Variants in PTPRN2 observed in about 807,000 individuals in gnomAD.
PTPRN2 encodes protein tyrosine phosphatase receptor type N2.
A neutral mutation model predicts 118.8 loss-of-function variants in PTPRN2; 74 were observed. That is an observed-to-expected ratio of 0.62 (90% CI 0.52 to 0.76). The LOEUF is 0.76. PTPRN2 is among the 30% of genes least tolerant of loss of function. PTPRN2 has a pLI of 0.00. For missense variants in PTPRN2, 1,481 were observed against 1,394.4 expected, an observed-to-expected ratio of 1.06 and a Z score of -0.99; for synonymous variants, 641 against 608.0, an observed-to-expected ratio of 1.05 and a Z score of -0.80.
intron 22 of PTPRN2, among the ~76,000 whole-genome samples, chr7:157,547,670 C>T (rs993974081): frequency 6.6e-6 from 1 of 152,110 alleles, no homozygotes; most frequent in Admixed American, 6.5e-5. Context: ...TGAGTAACCA[C>T]ACAGGGAAAA....
rs111648883 is a variant in PTPRN2 at position 157,990,853 on chromosome 7, C to T, written c.1723+90445G>A. The stretch of plus-strand genomic sequence containing the variant: ...GCAGGAGTGACCAGCCCAGTCCCAG[C>T]GCTTACCGAGGAGGACTGGGGAGGG... On this transcript the variant is annotated intron_variant, in intron 11 of 22. Transcript: ENST00000389418. This position sits in a 1 kb window ranked among gnomAD's most constrained non-coding sequence, Gnocchi z 4.3. 0.014 allele frequency among the ~76,000 whole-genome samples: 2,089 copies of T among 152,194 alleles called. 45 individuals carry two copies. Among genetic ancestry groups the T allele is most frequent in the African/African-American group, 0.047 (1,951 of 41,518 alleles).
At chr7:158,272,600 C>A (rs903005716) in intron 3 of PTPRN2, among the ~76,000 whole-genome samples, 1 of 152,184 alleles carries the variant, frequency 6.6e-6, no homozygotes, top group Non-Finnish European at 1.5e-5. Flanking sequence ...TGCCTTGCAC[C>A]CCAGACACCA....
At chr7:158,389,043 G>C (rs1454210233) in intron 2 of PTPRN2, among the ~76,000 whole-genome samples, 2 of 152,232 alleles carry the variant, frequency 1.3e-5, no homozygotes, top group African/African-American at 4.8e-5. Context: ...CCAACGTGAG[G>C]CGGGCCCCTG....
intron 12 of PTPRN2, among the ~76,000 whole-genome samples, chr7:157,854,230 T>C (rs1401610018): frequency 1.3e-5 from 2 of 152,248 alleles, no homozygotes; most frequent in East Asian, 3.9e-4. Flanking sequence ...GTGCTGCTGA[T>C]GGCGAGACTG....
At chr7:158,097,994 C>A (rs1814782405) in intron 10 of PTPRN2, among the ~76,000 whole-genome samples, 1 of 152,206 alleles carries the variant, frequency 6.6e-6, no homozygotes, top group Non-Finnish European at 1.5e-5. Context: ...CCTGTCAGAG[C>A]TGCTCCCCTC....
chr7:158,144,233 A>AAATAAACT (rs1320720119), intron 6 of PTPRN2, among the ~76,000 whole-genome samples: 1 of 152,224 alleles, frequency 6.6e-6, no homozygotes, highest in Non-Finnish European at 1.5e-5. Context: ...ACTGATCCAC[A>AAATAAACT]AATAAACTTT....
intron 3 of PTPRN2, among the ~76,000 whole-genome samples, chr7:158,252,944 G>T (rs192942075): frequency 6.0e-4 from 91 of 152,228 alleles, no homozygotes; most frequent in Admixed American, 1.6e-3. Flanking sequence ...TCACCCTTGG[G>T]CTGGCGGAGT....
chr7:158,490,270 C>T (rs1045259012), intron 1 of PTPRN2, among the ~76,000 whole-genome samples: 3 of 152,216 alleles, frequency 2.0e-5, no homozygotes, highest in African/African-American at 7.2e-5. Flanking sequence ...CCGTGGCGTC[C>T]GTGGCCACAG....
intron 13 of PTPRN2, among the ~76,000 whole-genome samples, chr7:157,682,388 C>T (rs1796957047): frequency 6.6e-6 from 1 of 152,220 alleles, no homozygotes; most frequent in South Asian, 2.1e-4. Flanking sequence ...AATGATCTCG[C>T]AACTCTGGCA....
At chr7:158,480,126 C>T (rs1002659165) in intron 2 of PTPRN2, among the ~76,000 whole-genome samples, 6 of 152,224 alleles carry the variant, frequency 3.9e-5, no homozygotes, top group African/African-American at 9.6e-5. Context: ...CTTTGTTCCA[C>T]GTCGCGGGGG....
At chr7:157,766,252 C>CTCCA (rs1320785688) in intron 12 of PTPRN2, among the ~76,000 whole-genome samples, 1 of 148,962 alleles carries the variant, frequency 6.7e-6, no homozygotes, top group African/African-American at 2.5e-5. Flanking sequence ...TCCATCCTTC[C>CTCCA]TCCATCCATC....
chr7:158,538,696 G>A (rs1466180898), intron 1 of PTPRN2, among the ~76,000 whole-genome samples: 4 of 152,088 alleles, frequency 2.6e-5, no homozygotes, highest in African/African-American at 4.8e-5. Flanking sequence ...ACTGCACTAC[G>A]GACACCCCAG....
intron 1 of PTPRN2, among the ~76,000 whole-genome samples, chr7:158,545,982 C>CA (rs199662866): frequency 1.1e-4 from 16 of 151,280 alleles, no homozygotes; most frequent in East Asian, 1.9e-4. Flanking sequence ...CTGGGTGTCT[C>CA]AAAAAAAAGA....
intron 1 of PTPRN2, among the ~76,000 whole-genome samples, chr7:158,584,918 C>T (rs1191203070): frequency 2.6e-5 from 4 of 152,214 alleles, no homozygotes; most frequent in Non-Finnish European, 4.4e-5. Flanking sequence ...TTCTAACCTA[C>T]AAGGCTGTTT....
chr7:158,337,812 A>G lies in PTPRN2; in HGVS notation c.164-20880T>C, dbSNP rs1403419610. Among the ~76,000 whole-genome samples, 16 of 3,850 alleles carry G rather than the reference A, an allele frequency of 4.2e-3. 3 individuals are homozygous for G. The highest frequency in any genetic ancestry group is 0.013 in the Non-Finnish European group (9 of 702). The allele number at this position is 3,850 out of a possible 152,430, so 2.5% of individuals were successfully genotyped here. A position where few individuals can be genotyped will look rare whatever the true frequency, so the allele number is the denominator to read the frequency against. On this transcript the variant is annotated intron_variant, in intron 2 of 22. Transcript: ENST00000389418. ...ACTCTCACCATAAGAGGTGACGCCC[A>G]TAGACGTCACTCACACCCACACACG...
chr7:157,891,991 G>C lies in PTPRN2; in HGVS notation c.1788+6682C>G, dbSNP rs1229192285. Among the ~76,000 whole-genome samples the C allele has an allele frequency of 2.0e-5, 3 of 152,184 alleles. No individual in the cohort carries two copies. The East Asian group carries it at 5.8e-4, about 29-fold the overall frequency. On this transcript the variant is annotated intron_variant, in intron 12 of 22. Transcript: ENST00000389418. ...TTGTTCACGCTCCTGAGCCTGCAGG[G>C]GCTCTGCTGAGACTCAGGGTCGGCC... is the stretch of plus-strand genomic sequence containing the variant.
chr7:157,727,656 C>T (rs1799675489), intron 12 of PTPRN2, among the ~76,000 whole-genome samples: 1 of 152,210 alleles, frequency 6.6e-6, no homozygotes, highest in Admixed American at 6.5e-5. Flanking sequence ...AGGCGTGCAC[C>T]TAAAAACGGT....
intron 11 of PTPRN2, among the ~76,000 whole-genome samples, chr7:157,976,183 T>C (rs1284066244): frequency 6.6e-6 from 1 of 152,230 alleles, no homozygotes; most frequent in Non-Finnish European, 1.5e-5. Context: ...CTGGTTCCCA[T>C]CGCGTTATCA....
chr7:158,526,339 T>G lies in PTPRN2; in HGVS notation c.113-36554A>C, dbSNP rs527808301. 8.5e-5 allele frequency among the ~76,000 whole-genome samples: 13 copies of G among 152,260 alleles called. No individual in the cohort carries two copies. Among genetic ancestry groups the G allele is most frequent in the African/African-American group, 3.1e-4 (13 of 41,558 alleles). ...GCTCGGCAGGGCTGCATCTCTCCCGTGGGACGCTGCAGAGATAACCAGGTA... is the reference window on the plus strand; with the variant it reads ...GCTCGGCAGGGCTGCATCTCTCCCGGGGGACGCTGCAGAGATAACCAGGTA... On this transcript the variant is annotated intron_variant, in intron 1 of 22. Transcript: ENST00000389418. The surrounding 1 kb of genome is among the most constrained non-coding windows in gnomAD (Gnocchi z 5.2).
Sources: gnomAD v4.1 joint callset for allele counts (sites outside exome capture counted in the v4.1 genomes callset) on GRCh38, gnomAD v4.1.1 for gene constraint, Gnocchi (gnomAD v3.1) non-coding constraint, MANE v1.5 for transcripts, NCBI Gene and HGNC (gene_info 2026-07-23, HGNC 2026-07-21) for gene names.